The following NTRK3 variants were observed in gnomAD, a reference collection of about 807,000 sequenced individuals.
NTRK3 encodes NT-3 growth factor receptor.
In NTRK3, 24 loss-of-function variants were observed where a neutral mutation model predicts 91.7. The observed-to-expected ratio is 0.26, with a 90% CI of 0.19 to 0.37. The LOEUF is 0.37. Among genes scored for constraint, NTRK3 ranks in the 10% least tolerant of loss-of-function variants. NTRK3 has a pLI of 1.00. For synonymous variants in NTRK3, 483 were observed against 404.0 expected (o/e 1.20, Z -2.34); for missense variants, 880 against 1,068.9 (o/e 0.82, Z 2.46).
chr15:87,885,954 G>C (rs1156778264), intron 17 of NTRK3, among the ~76,000 whole-genome samples: 3 of 151,730 alleles, frequency 2.0e-5, no homozygotes, highest in South Asian at 4.2e-4. Context: ...TACAATATAT[G>C]TAACAGACAA....
chr15:88,179,718 G>A (rs2151578944), intron 5 of NTRK3, among the ~76,000 whole-genome samples: 1 of 152,334 alleles, frequency 6.6e-6, no homozygotes, highest in East Asian at 1.9e-4. Context: ...AATGCTGGTG[G>A]AGGAGATCTC....
chr15:87,861,334 G>C lies in NTRK3; in HGVS notation c.*15601C>G, dbSNP rs2064518008. Reference sequence around the variant, plus strand: ...TAATGCACTGAAGTAGGTACCAGCTGATTTTCCAGATATTGAAAGTTTGCT... The same window carrying C: ...TAATGCACTGAAGTAGGTACCAGCTCATTTTCCAGATATTGAAAGTTTGCT... On this transcript the variant is annotated 3_prime_UTR_variant, in exon 19 of 19. Transcript: ENST00000394480. The C allele has an allele frequency of 1.9e-5, 4 of 215,660 alleles. No homozygotes were observed. In the East Asian group the frequency reaches 2.7e-4, roughly 15 times the overall value. The allele number at this position is 215,660 out of a possible 1,614,324, so 13.4% of individuals were successfully genotyped here.
intron 3 of NTRK3, among the ~76,000 whole-genome samples, chr15:88,248,128 C>G (rs2053016542): frequency 6.6e-6 from 1 of 152,206 alleles, no homozygotes; most frequent in Non-Finnish European, 1.5e-5. Context: ...GGCTGGGACC[C>G]AGCCACCAGC....
intron 13 of NTRK3, among the ~76,000 whole-genome samples, chr15:88,042,466 G>A (rs764835633): frequency 1.3e-5 from 2 of 152,068 alleles, no homozygotes; most frequent in East Asian, 1.9e-4. Flanking sequence ...TGTGGTCTCC[G>A]GGGCACATGG....
intron 14 of NTRK3, among the ~76,000 whole-genome samples, chr15:87,998,905 G>A (rs1483109213): frequency 2.6e-5 from 4 of 152,306 alleles, no homozygotes; most frequent in Non-Finnish European, 4.4e-5. Flanking sequence ...GGGAGTGTGG[G>A]GGGAGGAGGA....
intron 17 of NTRK3, chr15:87,926,910 C>G (rs1436253130): frequency 6.6e-6 from 1 of 152,202 alleles, no homozygotes; most frequent in Admixed American, 6.6e-5. Context: ...GTCAGACAGA[C>G]CAGCAAACCC....
At chr15:87,934,705 A>C (rs2069114651) in intron 15 of NTRK3, among the ~76,000 whole-genome samples, 1 of 152,090 alleles carries the variant, frequency 6.6e-6, no homozygotes, top group Non-Finnish European at 1.5e-5. Flanking sequence ...GAGTTGGAGA[A>C]ACTGAGGCTG....
intron 3 of NTRK3, among the ~76,000 whole-genome samples, chr15:88,228,477 C>T (rs114132361): frequency 2.5e-3 from 378 of 152,260 alleles, no homozygotes; most frequent in African/African-American, 8.7e-3. Context: ...CTGTCTACAC[C>T]TGCACTCAGA....
At chr15:87,965,524 T>C (rs1292691349) in intron 14 of NTRK3, among the ~76,000 whole-genome samples, 2 of 152,126 alleles carry the variant, frequency 1.3e-5, no homozygotes, top group Non-Finnish European at 2.9e-5. Flanking sequence ...TGGGTGGGCC[T>C]GTAAGAGCAT....
Position 88,234,925 on chromosome 15 carries a change from C to T in NTRK3, c.248+20981G>A, listed in dbSNP as rs958258142. ...TCCAGCCCCCGACACACTTCCAGCC[C>T]CTTCCAACCTGAGAGGCGTTGCACT... On this transcript the variant is annotated intron_variant, in intron 3 of 18. Transcript: ENST00000394480. The surrounding 1 kb of genome is among the most constrained non-coding windows in gnomAD (Gnocchi z 6.1). Among the ~76,000 whole-genome samples the T allele has an allele frequency of 6.6e-6, 1 of 152,154 alleles. No individual in the cohort carries two copies. Among genetic ancestry groups the T allele is most frequent in the Non-Finnish European group, 1.5e-5 (1 of 68,028 alleles).
chr15:87,979,146 G>A (rs1344326859), intron 14 of NTRK3: 7 of 625,316 alleles, frequency 1.1e-5, no homozygotes, highest in Non-Finnish European at 2.8e-6. Context: ...GATGATTGGA[G>A]GGAAGGGGCA....
intron 5 of NTRK3, among the ~76,000 whole-genome samples, chr15:88,177,990 A>C (rs1165095588): frequency 1.3e-5 from 2 of 152,218 alleles, no homozygotes; most frequent in Admixed American, 1.3e-4. Flanking sequence ...CAGGAAGTGA[A>C]AGATCTAGGA....
At chr15:87,899,267 T>A (rs1034561892) in intron 17 of NTRK3, among the ~76,000 whole-genome samples, 1 of 152,130 alleles carries the variant, frequency 6.6e-6, no homozygotes, top group African/African-American at 2.4e-5. Flanking sequence ...AGGGAGTAAT[T>A]TTCAAGTGTC....
At chr15:87,953,513 T>C (rs1262838363) in intron 14 of NTRK3, among the ~76,000 whole-genome samples, 2 of 152,224 alleles carry the variant, frequency 1.3e-5, no homozygotes, top group Admixed American at 6.5e-5. Context: ...TCAAGTGGTT[T>C]CTGGGACTGA....
chr15:88,030,201 C>T (rs1379566703), intron 14 of NTRK3, among the ~76,000 whole-genome samples: 1 of 152,208 alleles, frequency 6.6e-6, no homozygotes, highest in East Asian at 1.9e-4. Context: ...GCTGCCTTCC[C>T]ATTTTCACCA....
intron 3 of NTRK3, among the ~76,000 whole-genome samples, chr15:88,230,402 A>G (rs1042965557): frequency 1.3e-5 from 2 of 152,178 alleles, no homozygotes; most frequent in African/African-American, 4.8e-5. Context: ...GGATTCAGAG[A>G]TCATGATCGC....
Position 88,147,404 on chromosome 15 carries a change from C to G in NTRK3, c.396-1G>C, listed in dbSNP as rs2151314144. The G allele has an allele frequency of 6.2e-7, 1 of 1,613,684 alleles. No individual in the cohort carries two copies. The highest frequency in any genetic ancestry group is 8.5e-7 in the Non-Finnish European group (1 of 1,179,644). ...GGTGAGCCGGTTACTTGACAGGTTT[C>G]TGCAAGATTGACAAATAAAGGGAAA... On this transcript the variant is annotated splice_acceptor_variant, in intron 5 of 18. Coordinates refer to ENST00000394480, the Ensembl canonical transcript of NTRK3. LOFTEE classifies it high-confidence loss of function.
intron 14 of NTRK3, among the ~76,000 whole-genome samples, chr15:87,999,384 T>C (rs2075939485): frequency 6.6e-6 from 1 of 152,174 alleles, no homozygotes; most frequent in South Asian, 2.1e-4. Flanking sequence ...AGTCTAAACT[T>C]GCCACTAATT....
intron 14 of NTRK3, among the ~76,000 whole-genome samples, chr15:87,956,817 C>T (rs2071713940): frequency 6.6e-6 from 1 of 152,204 alleles, no homozygotes; most frequent in African/African-American, 2.4e-5. Flanking sequence ...GGTGATCCAC[C>T]CGCCTCAGCC....
Sources: gnomAD v4.1 joint callset for allele counts (sites outside exome capture counted in the v4.1 genomes callset) on GRCh38, gnomAD v4.1.1 for gene constraint, Gnocchi (gnomAD v3.1) non-coding constraint, MANE v1.5 for transcripts, NCBI Gene and HGNC (gene_info 2026-07-23, HGNC 2026-07-21) for gene names.